Variants in SLC15A4 observed in about 807,000 individuals in gnomAD.
SLC15A4 encodes the protein hPHT1.
SLC15A4 carries 26 observed loss-of-function variants against 46.1 expected under a neutral mutation model. The observed-to-expected ratio is 0.56, with a 90% confidence interval of 0.41 to 0.78. The LOEUF is 0.78. SLC15A4 is among the 30% of genes least tolerant of loss of function. SLC15A4 has a pLI of 0.00. For synonymous variants in SLC15A4, 370 were observed against 333.4 expected (o/e 1.11, Z -1.20); for missense variants, 751 against 755.7 (o/e 0.99, Z 0.07).
At chr12:128,808,983 T>C (rs201419403) in intron 4 of SLC15A4, 27 bp from the exon 5 acceptor site, 78 of 1,601,036 alleles carry the variant, frequency 4.9e-5, no homozygotes, top group Non-Finnish European at 6.1e-5. Context: ...GAGGAGGCGT[T>C]TACTCCCCGC....
Position 128,823,571 on chromosome 12 carries a change from C to T in SLC15A4, c.373G>A (p.Ala125Thr). 1 of 1,440,542 alleles carries T rather than the reference C, an allele frequency of 6.9e-7. No individual in the cohort carries two copies. Among genetic ancestry groups the T allele is most frequent in the Non-Finnish European group, 9.1e-7 (1 of 1,104,744 alleles). The allele number at this position is 1,440,542 out of a possible 1,614,324, so 89.2% of individuals were successfully genotyped here. ...LGMLAFPLLAAPATRAALCGS... is the reference protein window; with the variant it reads ...LGMLAFPLLATPATRAALCGS... The stretch of plus-strand genomic sequence containing the variant: ...CAGAGCGCGGCTCGCGTGGCGGGCG[C>T]GGCCAGCAGCGGGAAGGCCAGCATG... Residue 125 changes from alanine (A) to threonine (T), a missense_variant, in exon 1 of 8, where the codon GCG becomes ACG. By Grantham distance (58) the Ala-to-Thr change is moderately conservative (BLOSUM62 0). Coordinates refer to ENST00000266771, the MANE Select transcript of SLC15A4 (RefSeq NM_145648.4).
At chr12:128,801,740 G>C (rs889757269) in intron 5 of SLC15A4, 8 of 152,118 alleles carry the variant, frequency 5.3e-5, no homozygotes, top group African/African-American at 1.9e-4. Flanking sequence ...CAAGTCCTTA[G>C]GTTAAAGATA....
At chr12:128,816,513 T>A (rs1955753232) in intron 1 of SLC15A4, among the ~76,000 whole-genome samples, 1 of 152,168 alleles carries the variant, frequency 6.6e-6, no homozygotes, top group South Asian at 2.1e-4. Context: ...CTCTACTGAA[T>A]AACACATTCT....
intron 6 of SLC15A4, among the ~76,000 whole-genome samples, chr12:128,800,170 G>C (rs1955498338): frequency 6.6e-6 from 1 of 151,926 alleles, no homozygotes; most frequent in Non-Finnish European, 1.5e-5. Flanking sequence ...ATTTTGGCAG[G>C]CCCATCTATA....
At chr12:128,817,919 G>A (rs1955782201) in intron 1 of SLC15A4, among the ~76,000 whole-genome samples, 1 of 152,098 alleles carries the variant, frequency 6.6e-6, no homozygotes, top group South Asian at 2.1e-4. Flanking sequence ...GCAGCTACGT[G>A]CCCTACCAAG....
chr12:128,806,299 T>A (rs74480293), intron 5 of SLC15A4, among the ~76,000 whole-genome samples: 2,986 of 152,218 alleles, frequency 0.02, 33 homozygotes, highest in Middle Eastern at 0.048. Context: ...ACAAGTTTGA[T>A]AAATTTTGGG....
intron 1 of SLC15A4, chr12:128,815,355 T>A: frequency 2.8e-6 from 1 of 360,388 alleles, no homozygotes; most frequent in Non-Finnish European, 5.3e-6. Context: ...TCTAAGTACC[T>A]GAACCACTTG....
intron 1 of SLC15A4, among the ~76,000 whole-genome samples, chr12:128,821,521 T>C (rs935686760): frequency 1.3e-5 from 2 of 152,208 alleles, no homozygotes; most frequent in East Asian, 3.8e-4. Context: ...TAACGCTTTA[T>C]TTATGGAGAT....
At chr12:128,820,145 C>G (rs983610197) in intron 1 of SLC15A4, among the ~76,000 whole-genome samples, 1 of 152,214 alleles carries the variant, frequency 6.6e-6, no homozygotes, top group Non-Finnish European at 1.5e-5. Flanking sequence ...CTACCAGCCC[C>G]GTTCCTTCAT....
At chr12:128,815,899 C>T (rs1280567783) in intron 1 of SLC15A4, 1 of 152,166 alleles carries the variant, frequency 6.6e-6, no homozygotes, top group Non-Finnish European at 1.5e-5. Context: ...ATGCTTAGGC[C>T]CCAAAGAGAG....
intron 5 of SLC15A4, among the ~76,000 whole-genome samples, chr12:128,802,309 T>C (rs1045284784): frequency 5.9e-5 from 9 of 152,124 alleles, no homozygotes; most frequent in African/African-American, 2.2e-4. Context: ...ACAGCAACCA[T>C]AGCACTGCAC....
intron 7 of SLC15A4, among the ~76,000 whole-genome samples, chr12:128,794,702 C>G (rs1444193301): frequency 1.3e-5 from 2 of 152,172 alleles, no homozygotes; most frequent in East Asian, 3.9e-4. Flanking sequence ...CCCTGCGTGG[C>G]CTGCAGACAC....
chr12:128,820,300 C>T (rs181335109), intron 1 of SLC15A4, among the ~76,000 whole-genome samples: 34 of 152,318 alleles, frequency 2.2e-4, no homozygotes, highest in Admixed American at 1.2e-3. Flanking sequence ...CTTGACCACT[C>T]ACTACCTACA....
intron 1 of SLC15A4, among the ~76,000 whole-genome samples, chr12:128,818,171 C>T (rs970101500): frequency 1.3e-5 from 2 of 151,978 alleles, no homozygotes; most frequent in African/African-American, 2.4e-5. Flanking sequence ...CCACCAAGAA[C>T]GATTGTGACC....
At position 128,807,388 on chromosome 12, in the gene SLC15A4, G is replaced by T. The variant is rs1425000179; in HGVS notation, c.1258+1400C>A. On this transcript the variant is annotated intron_variant, in intron 5 of 7. Transcript: ENST00000266771. ...TGAAAGAGAGGATGTTAGGAAAGGA[G>T]CCCAAACCAAGTATCTACTGGAAAA... Among the ~76,000 whole-genome samples the T allele has an allele frequency of 3.3e-5, 5 of 152,338 alleles. No individual in the cohort carries two copies. The South Asian group carries it at 8.3e-4, about 25-fold the overall frequency.
In SLC15A4 at chr12:128,793,346, A is replaced by G. The variant is rs1313748547; in HGVS notation, c.*850T>C. ...GGTCAAACAGCTCAAGTTCACATTT[A>G]ACACTTTCAATTATTTTTAATTACA... On this transcript the variant is annotated 3_prime_UTR_variant, in exon 8 of 8. Transcript: ENST00000266771. The G allele has an allele frequency of 6.6e-6, 1 of 152,266 alleles. No individual in the cohort carries two copies. Among genetic ancestry groups the G allele is most frequent in the East Asian group, 1.9e-4 (1 of 5,204 alleles). 9.4% of individuals were successfully genotyped at this position (152,266 alleles called of 1,614,324 possible). A position where few individuals can be genotyped will look rare whatever the true frequency, so the allele number is the denominator to read the frequency against.
intron 3 of SLC15A4, 51 bp downstream of exon 3, chr12:128,809,892 T>A (rs1955635273): frequency 6.4e-7 from 1 of 1,569,510 alleles, no homozygotes; most frequent in Non-Finnish European, 8.7e-7. Flanking sequence ...AGTGCTAGGG[T>A]AAGACTTCAT....
intron 7 of SLC15A4, among the ~76,000 whole-genome samples, chr12:128,797,028 C>CCGTG (rs1955453574): frequency 6.6e-6 from 1 of 152,126 alleles, no homozygotes; most frequent in Non-Finnish European, 1.5e-5. Flanking sequence ...AGAAAACCTG[C>CCGTG]CGTGCATTCC....
chr12:128,813,431 G>C (rs1955693530), intron 2 of SLC15A4: 2 of 152,194 alleles, frequency 1.3e-5, no homozygotes. Flanking sequence ...AGACTGGTGA[G>C]ATCTGCCAGA....
Sources: allele counts gnomAD v4.1 joint callset (sites outside exome capture counted in the v4.1 genomes callset), GRCh38; gene constraint gnomAD v4.1.1; transcripts MANE v1.5; gene names NCBI Gene and HGNC (gene_info 2026-07-23, HGNC 2026-07-21).